Variants in CAMK4 observed in about 807,000 individuals in gnomAD.
CAMK4 encodes calcium/calmodulin-dependent protein kinase type IV.
CAMK4 carries 22 observed loss-of-function variants against 44.9 expected under a neutral mutation model. That is an observed-to-expected ratio of 0.49 (90% CI 0.35 to 0.70). The LOEUF (loss-of-function observed/expected upper bound fraction) is 0.70. CAMK4 is among the 30% of genes least tolerant of loss of function. The pLI, the probability that CAMK4 is intolerant of heterozygous loss-of-function variation, is 0.01. For missense variants in CAMK4, 498 were observed against 586.8 expected (o/e 0.85, Z 1.56); for synonymous variants, 218 against 215.4 (o/e 1.01, Z -0.11).
chr5:111,410,803 G>A (rs1401400525), intron 5 of CAMK4, among the ~76,000 whole-genome samples: 2 of 152,140 alleles, frequency 1.3e-5, no homozygotes, highest in African/African-American at 4.8e-5. Flanking sequence ...GGGTCAGAAG[G>A]AGAGCTTCAA....
chr5:111,421,708 T>C (rs996794090), intron 5 of CAMK4, among the ~76,000 whole-genome samples: 1 of 152,170 alleles, frequency 6.6e-6, no homozygotes, highest in African/African-American at 2.4e-5. Flanking sequence ...CCCAAGTTTT[T>C]TCATGATTTT....
intron 7 of CAMK4, among the ~76,000 whole-genome samples, chr5:111,461,387 C>T (rs530148828): frequency 1.4e-4 from 21 of 152,284 alleles, no homozygotes; most frequent in African/African-American, 4.3e-4. Flanking sequence ...CACTTAATCT[C>T]CTGAACTGGG....
intron 2 of CAMK4, among the ~76,000 whole-genome samples, chr5:111,353,189 A>T (rs1388131518): frequency 2.0e-5 from 3 of 152,048 alleles, no homozygotes; most frequent in Admixed American, 6.6e-5. Flanking sequence ...CTTTACATAC[A>T]CTATTGCAAT....
rs1257576789 is a variant in CAMK4 at position 111,443,311 on chromosome 5, C to T, written c.460-3375C>T. ...ACACACACACACACACACACACACA[C>T]ACACTATATATATATACTATATATA... On this transcript the variant is annotated intron_variant, in intron 5 of 10. Transcript: ENST00000282356. Among the ~76,000 whole-genome samples, 500 of 120,418 alleles carry T rather than the reference C, an allele frequency of 4.2e-3. 1 individual carries two copies. Among genetic ancestry groups the T allele is most frequent in the African/African-American group, 0.014 (476 of 33,074 alleles). The allele number at this position is 120,418 out of a possible 152,430, so 79.0% of individuals were successfully genotyped here.
chr5:111,469,591 G>A (rs1265635851), intron 7 of CAMK4, among the ~76,000 whole-genome samples: 1 of 152,138 alleles, frequency 6.6e-6, no homozygotes, highest in Non-Finnish European at 1.5e-5. Flanking sequence ...TTGGCTGGGA[G>A]CTATTAGCAG....
At position 111,482,765 on chromosome 5, in the gene CAMK4, A is replaced by G. The variant is rs760117142; in HGVS notation, c.829-20A>G. ...TCATCCTAAAAACCTCGCTAAGTTTATGGTTCTTTATTATTTCAGGTCAGA... is the reference window on the plus strand; with the variant it reads ...TCATCCTAAAAACCTCGCTAAGTTTGTGGTTCTTTATTATTTCAGGTCAGA... On this transcript the variant is annotated intron_variant, in intron 9 of 10. Coordinates refer to ENST00000282356, the MANE Select transcript of CAMK4 (RefSeq NM_001744.6). The surrounding 1 kb of genome is among the most constrained non-coding windows in gnomAD (Gnocchi z 4.9). 6.3e-7 allele frequency: 1 copy of G among 1,596,982 alleles called. No homozygotes were observed. The highest frequency in any genetic ancestry group is 8.5e-7 in the Non-Finnish European group (1 of 1,173,820).
intron 5 of CAMK4, among the ~76,000 whole-genome samples, chr5:111,434,919 TTCC>T (rs1320350200): frequency 6.6e-6 from 1 of 152,210 alleles, no homozygotes; most frequent in African/African-American, 2.4e-5. Context: ...AGATTCAAAC[TTCC>T]TCCTACCAAC....
chr5:111,481,614 C>T (rs1002160696), intron 9 of CAMK4, among the ~76,000 whole-genome samples: 1 of 152,156 alleles, frequency 6.6e-6, no homozygotes, highest in Non-Finnish European at 1.5e-5. Context: ...ATTCAAAGCT[C>T]CTTATTTTGC....
At chr5:111,415,819 A>G (rs1005208693) in intron 5 of CAMK4, among the ~76,000 whole-genome samples, 6 of 152,222 alleles carry the variant, frequency 3.9e-5, no homozygotes, top group Non-Finnish European at 8.8e-5. Flanking sequence ...AAATATTTGG[A>G]AAAAAATAAT....
rs746513069 is a variant in CAMK4 at position 111,486,522 on chromosome 5, CACA to C, written c.*2057_*2059del. On this transcript the variant is annotated 3_prime_UTR_variant, in exon 11 of 11. Coordinates refer to ENST00000282356, the MANE Select transcript of CAMK4 (RefSeq NM_001744.6). Reference sequence around the variant, plus strand: ...TGAAACACACACACACACACACACACACACACACACACACACACACGTGTTGGA... The same window carrying C: ...TGAAACACACACACACACACACACACCACACACACACACACACGTGTTGGA... 2,423 of 134,650 alleles carry C rather than the reference CACA, an allele frequency of 0.018. 33 individuals are homozygous for C. Among genetic ancestry groups the C allele is most frequent in the Middle Eastern group, 0.031 (8 of 258 alleles). The allele number at this position is 134,650 out of a possible 1,614,324, so 8.3% of individuals were successfully genotyped here. A position where few individuals can be genotyped will look rare whatever the true frequency, so the allele number is the denominator to read the frequency against.
chr5:111,443,660 T>A (rs1753927082), intron 5 of CAMK4, among the ~76,000 whole-genome samples: 1 of 152,070 alleles, frequency 6.6e-6, no homozygotes, highest in Admixed American at 6.6e-5. Flanking sequence ...CACCTTTTCG[T>A]TTCAAGAAAG....
chr5:111,281,285 TACTGTAGTTCTGCCAGTG>T (rs969983794), intron 1 of CAMK4, among the ~76,000 whole-genome samples: 5 of 152,368 alleles, frequency 3.3e-5, no homozygotes, highest in African/African-American at 1.2e-4. Flanking sequence ...TAAAGCCTGC[TACTGTAGTTCTGCCAGTG>T]ATTTTGCACT....
chr5:111,243,127 A>G (rs1749079837), intron 1 of CAMK4, among the ~76,000 whole-genome samples: 2 of 152,224 alleles, frequency 1.3e-5, no homozygotes, highest in South Asian at 4.1e-4. Context: ...TTCACTCAGG[A>G]CCATTGAATA....
At chr5:111,231,230 C>G (rs1366177654) in intron 1 of CAMK4, among the ~76,000 whole-genome samples, 1 of 152,166 alleles carries the variant, frequency 6.6e-6, no homozygotes, top group African/African-American at 2.4e-5. Flanking sequence ...AAGAAAAGAA[C>G]AGTGTCTGGA....
chr5:111,448,110 T>C (rs983808855), intron 6 of CAMK4, among the ~76,000 whole-genome samples: 2 of 152,202 alleles, frequency 1.3e-5, no homozygotes, highest in Non-Finnish European at 1.5e-5. Flanking sequence ...TCTTGAAGAA[T>C]GCCCTTGAAT....
In CAMK4 at chr5:111,484,601, T is replaced by C; in HGVS notation, c.*135T>C. 2.1e-6 allele frequency: 1 copy of C among 471,748 alleles called. No homozygotes were observed. The highest frequency in any genetic ancestry group is 4.0e-5 in the Admixed American group (1 of 24,812). 29.2% of individuals were successfully genotyped at this position (471,748 alleles called of 1,614,324 possible). A position where few individuals can be genotyped will look rare whatever the true frequency, so the allele number is the denominator to read the frequency against. ...TGCAAAAAACATACATATATACCAG[T>C]TGGTAATTCTAACTTCAATGCATGT... On this transcript the variant is annotated 3_prime_UTR_variant, in exon 11 of 11. Transcript: ENST00000282356. This position sits in a 1 kb window ranked among gnomAD's most constrained non-coding sequence, Gnocchi z 5.3.
At chr5:111,470,028 AAGG>A (rs1215309433) in intron 7 of CAMK4, among the ~76,000 whole-genome samples, 1 of 152,242 alleles carries the variant, frequency 6.6e-6, no homozygotes, top group East Asian at 1.9e-4. Context: ...CTGCATGGAG[AAGG>A]ACTAATGCAA....
chr5:111,484,377 G>C lies in CAMK4; in HGVS notation c.1333G>C (p.Glu445Gln). The C allele has an allele frequency of 6.2e-7, 1 of 1,600,092 alleles. No individual in the cohort carries two copies. The highest frequency in any genetic ancestry group is 8.5e-7 in the Non-Finnish European group (1 of 1,173,630). The change falls in exon 11 of 11, where the codon GAG becomes CAG. Residue 445 changes from glutamate (E) to glutamine (Q), a missense_variant. Transcript: ENST00000282356. This position sits in a 1 kb window ranked among gnomAD's most constrained non-coding sequence, Gnocchi z 5.3. ...AGCAGAGGAGAAGCTGAAGACTGTG[G>C]AGGAGGCAGCAGCTCCCAGAGAAGG... ...GLAEEKLKTV[E>Q]EAAAPREGQG...
chr5:111,446,956 T>A (rs531789655), intron 6 of CAMK4, among the ~76,000 whole-genome samples, 180 bp downstream of exon 6: 1 of 152,236 alleles, frequency 6.6e-6, no homozygotes, highest in African/African-American at 2.4e-5. Context: ...CTGGAATGTT[T>A]ATTTGGAAAA....
Sources: gnomAD v4.1 joint callset for allele counts (sites outside exome capture counted in the v4.1 genomes callset) on GRCh38, gnomAD v4.1.1 for gene constraint, Gnocchi (gnomAD v3.1) non-coding constraint, MANE v1.5 for transcripts, NCBI Gene and HGNC (gene_info 2026-07-23, HGNC 2026-07-21) for gene names.